PRKN: variants seen among roughly 807,000 people sequenced by gnomAD.
PRKN encodes E3 ubiquitin-protein ligase parkin.
PRKN carries 56 observed loss-of-function variants against 59.5 expected under a neutral mutation model. The ratio of observed to expected loss-of-function variants is 0.94; its 90% CI spans 0.76 to 1.18. The LOEUF is 1.18. Among genes scored for constraint, PRKN ranks in the 50% most tolerant of loss-of-function variants. The pLI is 0.00. For synonymous variants in PRKN, 250 were observed against 222.1 expected (o/e 1.13, Z -1.12); for missense variants, 657 against 596.4 (o/e 1.10, Z -1.06).
chr6:162,363,710 T>C (rs560620523), intron 2 of PRKN, among the ~76,000 whole-genome samples: 1 of 152,334 alleles, frequency 6.6e-6, no homozygotes, highest in South Asian at 2.1e-4. Context: ...AACAGGATTA[T>C]ATGCTATTAG....
At chr6:162,057,006 T>C (rs552406718) in intron 4 of PRKN, among the ~76,000 whole-genome samples, 15 of 152,248 alleles carry the variant, frequency 9.9e-5, no homozygotes, top group African/African-American at 3.4e-4. Context: ...CTTAGCTATG[T>C]GTGTGACAGG....
intron 2 of PRKN, among the ~76,000 whole-genome samples, chr6:162,414,133 A>G (rs6455825): frequency 0.56 from 84,816 of 151,950 alleles, 24,769 homozygotes; most frequent in African/African-American, 0.73. Context: ...CAGTGAGCTG[A>G]AATCATGCCA....
intron 4 of PRKN, among the ~76,000 whole-genome samples, chr6:162,106,571 C>T (rs1780203341): frequency 6.6e-6 from 1 of 152,174 alleles, no homozygotes; most frequent in Admixed American, 6.5e-5. Context: ...TTAGATACTT[C>T]TTCATTTTAC....
At chr6:161,839,729 G>C (rs1224661095) in intron 6 of PRKN, among the ~76,000 whole-genome samples, 1 of 152,180 alleles carries the variant, frequency 6.6e-6, no homozygotes, top group Non-Finnish European at 1.5e-5. Context: ...AGGCAGCTTG[G>C]ATGCTACGTG....
At chr6:162,448,834 CTCCT>C (rs1790446874) in intron 1 of PRKN, among the ~76,000 whole-genome samples, 2 of 151,336 alleles carry the variant, frequency 1.3e-5, no homozygotes, top group African/African-American at 2.4e-5. Context: ...CCCTCCCTCC[CTCCT>C]TCCCTTCCTC....
chr6:161,794,001 C>G (rs1317589328), intron 6 of PRKN, among the ~76,000 whole-genome samples: 2 of 152,142 alleles, frequency 1.3e-5, no homozygotes, highest in Non-Finnish European at 2.9e-5. Flanking sequence ...GACTCTGCTG[C>G]TATCTGCCCT....
intron 2 of PRKN, among the ~76,000 whole-genome samples, chr6:162,405,491 C>T (rs764961437): frequency 1.9e-4 from 29 of 152,096 alleles, no homozygotes; most frequent in Middle Eastern, 3.2e-3. Context: ...ATCTAGTCCA[C>T]GGTGTGTGGT....
chr6:162,075,921 C>T (rs111883624), intron 4 of PRKN, among the ~76,000 whole-genome samples: 30 of 150,274 alleles, frequency 2.0e-4, no homozygotes, highest in African/African-American at 5.7e-4. Context: ...ATTCTTGCCC[C>T]TTACTGTCCT....
At chr6:162,508,540 A>T (rs1040465210) in intron 1 of PRKN, among the ~76,000 whole-genome samples, 4 of 152,212 alleles carry the variant, frequency 2.6e-5, no homozygotes, top group Admixed American at 2.0e-4. Context: ...GGTTGAAGAA[A>T]GCAACAGCAT....
intron 1 of PRKN, among the ~76,000 whole-genome samples, chr6:162,573,246 G>C (rs2128209251): frequency 6.6e-6 from 1 of 152,166 alleles, no homozygotes; most frequent in East Asian, 1.9e-4. Flanking sequence ...CAAAAACTAA[G>C]ACCTCCCAGC....
intron 1 of PRKN, among the ~76,000 whole-genome samples, chr6:162,556,344 TG>T (rs1688402220): frequency 7.1e-4 from 62 of 87,384 alleles, no homozygotes; most frequent in African/African-American, 2.6e-3. Flanking sequence ...ACTCAGCTGG[TG>T]TGTGTGTGTG....
At chr6:161,743,545 G>A (rs1788287032) in intron 7 of PRKN, among the ~76,000 whole-genome samples, 1 of 151,850 alleles carries the variant, frequency 6.6e-6, no homozygotes, top group Admixed American at 6.6e-5. Context: ...CACTGCGCCT[G>A]GACTTGGTTT....
chr6:161,880,032 T>C lies in PRKN; in HGVS notation c.734+93270A>G, dbSNP rs1001964487. ...CAAAGAAGCTTGGAGTCTGATACTATGTGAAATATAAACAGTAACTTGGGG... is the reference window on the plus strand; with the variant it reads ...CAAAGAAGCTTGGAGTCTGATACTACGTGAAATATAAACAGTAACTTGGGG... On this transcript the variant is annotated intron_variant, in intron 6 of 11. Transcript: ENST00000366898. Among the ~76,000 whole-genome samples the C allele has an allele frequency of 2.0e-5, 3 of 152,338 alleles. No homozygotes were observed. The South Asian group carries it at 6.2e-4, about 32-fold the overall frequency.
chr6:161,986,826 T>C (rs1472874754), intron 5 of PRKN, among the ~76,000 whole-genome samples: 3 of 152,254 alleles, frequency 2.0e-5, no homozygotes, highest in South Asian at 2.1e-4. Flanking sequence ...CTTCACAGTG[T>C]CCAGTCTAGG....
At position 162,139,812 on chromosome 6, in the gene PRKN, C is replaced by T. The variant is rs777984507; in HGVS notation, c.534+61319G>A. On this transcript the variant is annotated intron_variant, in intron 4 of 11. Transcript: ENST00000366898. ...GTTGATCTGAAATGGCCCACTCCAACGAACAGAAGGTGCCTGCCTGCAAGC... is the reference window on the plus strand; with the variant it reads ...GTTGATCTGAAATGGCCCACTCCAATGAACAGAAGGTGCCTGCCTGCAAGC... Among the ~76,000 whole-genome samples the T allele has an allele frequency of 3.3e-5, 5 of 151,458 alleles. No individual in the cohort carries two copies. In the East Asian group the frequency reaches 7.8e-4, roughly 24 times the overall value.
chr6:161,447,495 C>A lies in PRKN; in HGVS notation c.1084-60618G>T, dbSNP rs2115109852. ...CTCCCATATTCCTCTGCCATCCTTT[C>A]TTTCCTTCCTTTCCTTGAGATGGAG... On this transcript the variant is annotated intron_variant, in intron 9 of 11. Coordinates refer to ENST00000366898, the MANE Select transcript of PRKN (RefSeq NM_004562.3). The surrounding 1 kb of genome is among the most constrained non-coding windows in gnomAD (Gnocchi z 4.1). Among the ~76,000 whole-genome samples, 1 of 152,202 alleles carries A rather than the reference C, an allele frequency of 6.6e-6. No homozygotes were observed. The highest frequency in any genetic ancestry group is 1.5e-5 in the Non-Finnish European group (1 of 68,010).
At chr6:162,073,936 A>G (rs1270587761) in intron 4 of PRKN, among the ~76,000 whole-genome samples, 3 of 152,180 alleles carry the variant, frequency 2.0e-5, no homozygotes, top group African/African-American at 7.2e-5. Flanking sequence ...ATGAGATACC[A>G]TCTCACACCA....
chr6:161,961,868 C>A (rs559982880), intron 6 of PRKN, among the ~76,000 whole-genome samples: 2 of 152,252 alleles, frequency 1.3e-5, no homozygotes, highest in Non-Finnish European at 2.9e-5. Flanking sequence ...GCCTGTGATA[C>A]TGATATAATA....
rs1562356986 is a variant in PRKN, at chr6:161,875,033, A to ATTATAT, written c.735-89126_735-89125insATATAA. ...ATATTATATATAAAGTATATAATAT[A>ATTATAT]ATAAATTATATATTATATATAAAGT... On this transcript the variant is annotated intron_variant, in intron 6 of 11. Coordinates refer to ENST00000366898, the MANE Select transcript of PRKN (RefSeq NM_004562.3). 7.3e-4 allele frequency among the ~76,000 whole-genome samples: 82 copies of ATTATAT among 112,952 alleles called. 1 individual carries two copies. Among genetic ancestry groups the ATTATAT allele is most frequent in the African/African-American group, 3.2e-3 (77 of 24,296 alleles). The allele number at this position is 112,952 out of a possible 152,430, so 74.1% of individuals were successfully genotyped here. A position where few individuals can be genotyped will look rare whatever the true frequency, so the allele number is the denominator to read the frequency against.
Sources: allele counts gnomAD v4.1 joint callset (sites outside exome capture counted in the v4.1 genomes callset), GRCh38; gene constraint gnomAD v4.1.1; non-coding constraint Gnocchi (gnomAD v3.1); transcripts MANE v1.5; gene names NCBI Gene and HGNC (gene_info 2026-07-23, HGNC 2026-07-21).